The following GALNT14 variants were observed in gnomAD, a reference collection of about 807,000 sequenced individuals.
The protein encoded by GALNT14 is polypeptide N-acetylgalactosaminyltransferase 14.
In GALNT14, 60 loss-of-function variants were observed where a neutral mutation model predicts 77.5. That is an observed-to-expected ratio of 0.77 (90% confidence interval 0.63 to 0.96). The LOEUF is 0.96. GALNT14 is among the 40% of genes least tolerant of loss of function. The pLI is 0.00. For synonymous variants in GALNT14, 280 were observed against 281.7 expected, an observed-to-expected ratio of 0.99 and a Z score of 0.06; for missense variants, 710 against 731.0, an observed-to-expected ratio of 0.97 and a Z score of 0.33.
intron 1 of GALNT14, among the ~76,000 whole-genome samples, chr2:31,048,502 C>A (rs933184817): frequency 1.3e-5 from 2 of 152,152 alleles, no homozygotes; most frequent in Non-Finnish European, 2.9e-5. Context: ...AAGACCTCTC[C>A]CTGGAAGCTA....
chr2:31,118,299 A>G (rs1678216914), intron 1 of GALNT14, among the ~76,000 whole-genome samples: 2 of 152,198 alleles, frequency 1.3e-5, no homozygotes, highest in Admixed American at 6.5e-5. Flanking sequence ...ACACACCTAA[A>G]TCTAAAACCA....
At chr2:30,983,137 C>T (rs1347666056) in intron 2 of GALNT14, among the ~76,000 whole-genome samples, 1 of 152,064 alleles carries the variant, frequency 6.6e-6, no homozygotes, top group African/African-American at 2.4e-5. Context: ...AGTTCACGGG[C>T]CAGGGCTTAT....
At chr2:30,928,627 A>T (rs929245338) in intron 11 of GALNT14, among the ~76,000 whole-genome samples, 5 of 151,838 alleles carry the variant, frequency 3.3e-5, no homozygotes, top group African/African-American at 1.2e-4. Context: ...TAATTAACTA[A>T]TTTTTTTGAG....
At chr2:31,137,482 C>T (rs1679275243) in intron 1 of GALNT14, among the ~76,000 whole-genome samples, 1 of 152,308 alleles carries the variant, frequency 6.6e-6, no homozygotes, top group East Asian at 1.9e-4. Flanking sequence ...AGGCGCTCGC[C>T]CGCAACGCAC....
At chr2:31,120,147 C>A (rs1678326018) in intron 1 of GALNT14, among the ~76,000 whole-genome samples, 1 of 123,692 alleles carries the variant, frequency 8.1e-6, no homozygotes, top group Admixed American at 8.2e-5. Flanking sequence ...CAGAGCGAGA[C>A]TCCGTCTCAA....
Position 31,101,397 on chromosome 2 carries a change from TG to T in GALNT14, c.129+36560del, listed in dbSNP as rs963676072. 5.5e-4 allele frequency among the ~76,000 whole-genome samples: 84 copies of T among 152,198 alleles called. 1 individual carries two copies. The highest frequency in any genetic ancestry group is 1.0e-4 in the Non-Finnish European group (7 of 67,982). The stretch of plus-strand genomic sequence containing the variant: ...GTCAGGTTTTGGTAAAAGTTATGCT[TG>T]TTTCTCTTCTTTTTCTATGCTCTAG... On this transcript the variant is annotated intron_variant, in intron 1 of 14. Transcript: ENST00000349752.
intron 1 of GALNT14, among the ~76,000 whole-genome samples, chr2:30,999,222 G>T (rs1670215532): frequency 6.6e-6 from 1 of 152,142 alleles, no homozygotes; most frequent in Non-Finnish European, 1.5e-5. Context: ...CATCCCTCCT[G>T]GGTCCAGCTA....
intron 13 of GALNT14, among the ~76,000 whole-genome samples, chr2:30,922,071 G>A (rs561525190): frequency 6.6e-6 from 1 of 152,308 alleles, no homozygotes; most frequent in South Asian, 2.1e-4. Context: ...GGACCAGGCT[G>A]GAACTGAGGG....
the GALNT14 span, among the ~76,000 whole-genome samples, chr2:30,903,239 T>C: frequency 6.6e-6 from 1 of 152,204 alleles, no homozygotes; most frequent in Non-Finnish European, 1.5e-5. Flanking sequence ...TGAAGGGCTT[T>C]CTGGATGAAG....
chr2:30,938,380 A>ACTCTCTCT (rs1488002190), intron 9 of GALNT14, among the ~76,000 whole-genome samples: 18 of 144,434 alleles, frequency 1.2e-4, no homozygotes, highest in African/African-American at 4.9e-4. Flanking sequence ...ACACACACAC[A>ACTCTCTCT]CACACTCTCT....
intron 13 of GALNT14, among the ~76,000 whole-genome samples, chr2:30,914,314 C>T (rs766616290): frequency 3.9e-5 from 6 of 152,212 alleles, no homozygotes; most frequent in East Asian, 1.9e-4. Flanking sequence ...GAGTTAGGGC[C>T]GGCTCTGAGC....
At chr2:30,911,393 G>A (rs375138278) in intron 14 of GALNT14, among the ~76,000 whole-genome samples, 26 of 152,310 alleles carry the variant, frequency 1.7e-4, no homozygotes, top group African/African-American at 5.8e-4. Flanking sequence ...GCATCTGCAC[G>A]ATGGCAGAGA....
chr2:30,943,653 C>T (rs1558427638), intron 8 of GALNT14, among the ~76,000 whole-genome samples: 2 of 152,198 alleles, frequency 1.3e-5, no homozygotes, highest in Non-Finnish European at 2.9e-5. Flanking sequence ...CCATGCACTG[C>T]CCCTGGTGAG....
intron 1 of GALNT14, among the ~76,000 whole-genome samples, chr2:31,027,373 C>T (rs1300014206): frequency 1.3e-5 from 2 of 150,482 alleles, no homozygotes; most frequent in Non-Finnish European, 2.9e-5. Context: ...GCTGAGATCG[C>T]GCCATTGCAC....
intron 1 of GALNT14, among the ~76,000 whole-genome samples, chr2:31,026,837 C>G (rs535716985): frequency 3.9e-5 from 6 of 152,206 alleles, no homozygotes; most frequent in Non-Finnish European, 8.8e-5. Flanking sequence ...AGTCCACAGT[C>G]CTTTCTTCCT....
At chr2:31,101,505 T>C (rs1194189062) in intron 1 of GALNT14, among the ~76,000 whole-genome samples, 2 of 152,050 alleles carry the variant, frequency 1.3e-5, no homozygotes, top group Non-Finnish European at 2.9e-5. Context: ...AATTTCTGCC[T>C]TAGAAATTTT....
chr2:31,123,424 C>A lies in GALNT14; in HGVS notation c.129+14534G>T, dbSNP rs200186800. Among the ~76,000 whole-genome samples, 4 of 152,108 alleles carry A rather than the reference C, an allele frequency of 2.6e-5. No individual in the cohort carries two copies. The East Asian group carries it at 5.8e-4, about 22-fold the overall frequency. On this transcript the variant is annotated intron_variant, in intron 1 of 14. Transcript: ENST00000349752. ...ACGTATAGAACCCACGACAGGTGTC[C>A]TCAACTGACTAAATAAAAGTGGGTT... is the stretch of plus-strand genomic sequence containing the variant.
intron 8 of GALNT14, among the ~76,000 whole-genome samples, chr2:30,944,076 C>T (rs1666538652): frequency 6.6e-6 from 1 of 152,230 alleles, no homozygotes; most frequent in African/African-American, 2.4e-5. Context: ...TATCCATACA[C>T]TTCTTATCCT....
intron 1 of GALNT14, among the ~76,000 whole-genome samples, chr2:31,083,749 T>A (rs1383702340): frequency 6.6e-6 from 1 of 152,140 alleles, no homozygotes; most frequent in South Asian, 2.1e-4. Context: ...GACGAAGCCA[T>A]GGTTCAGTGG....
Sources: gnomAD v4.1 joint callset for allele counts (sites outside exome capture counted in the v4.1 genomes callset) on GRCh38, gnomAD v4.1.1 for gene constraint, MANE v1.5 for transcripts, NCBI Gene and HGNC (gene_info 2026-07-23, HGNC 2026-07-21) for gene names.